The following DHX36 variants were observed in gnomAD, a reference collection of about 807,000 sequenced individuals.
DHX36 encodes the protein ATP-dependent DNA/RNA helicase DHX36.
In DHX36, 50 loss-of-function variants were observed where a neutral mutation model predicts 139.0. The ratio of observed to expected loss-of-function variants is 0.36; its 90% CI spans 0.29 to 0.46. The LOEUF (loss-of-function observed/expected upper bound fraction) is 0.46. DHX36 is among the 20% of genes least tolerant of loss of function. DHX36 has a pLI of 1.00. For missense variants in DHX36, 1,024 were observed against 1,211.3 expected (o/e 0.85, Z 2.29); for synonymous variants, 425 against 401.9 (o/e 1.06, Z -0.69).
At chr3:154,282,403 T>C (rs1311345924) in intron 20 of DHX36, among the ~76,000 whole-genome samples, 1 of 152,162 alleles carries the variant, frequency 6.6e-6, no homozygotes, top group Non-Finnish European at 1.5e-5. Context: ...TTTTCTTAGC[T>C]CAGGTGTCTT....
At position 154,284,657 on chromosome 3, in the gene DHX36, T is replaced by C; in HGVS notation, c.2218A>G (p.Ile740Val). The C allele has an allele frequency of 6.2e-7, 1 of 1,611,284 alleles. No homozygotes were observed. Among genetic ancestry groups the C allele is most frequent in the Non-Finnish European group, 8.5e-7 (1 of 1,178,332 alleles). Residue 740 changes from isoleucine to valine, a missense_variant, in exon 19 of 25, where the codon ATT becomes GTT. Physicochemically the swap from Ile to Val is conservative, Grantham distance 29. Around this residue, in one of 4 missense-constraint regions of DHX36, gnomAD observed 470 missense variants for 616.2 expected, o/e 0.76. Coordinates refer to ENST00000496811, the MANE Select transcript of DHX36 (RefSeq NM_020865.3). ...PFVIPLGKEK[I>V]ADARRKELAK... ...AATTCCTTTCTTCTTGCATCTGCAA[T>C]CTTTTCTTTTCCCTTAAAAATAGCA...
At chr3:154,319,728 C>T (rs1184401981) in intron 1 of DHX36, among the ~76,000 whole-genome samples, 2 of 152,078 alleles carry the variant, frequency 1.3e-5, no homozygotes, top group Non-Finnish European at 2.9e-5. Flanking sequence ...GAGAATCAAA[C>T]CTTGCTTGTT....
At chr3:154,293,345 T>G (rs1430983961) in intron 14 of DHX36, among the ~76,000 whole-genome samples, 1 of 152,088 alleles carries the variant, frequency 6.6e-6, no homozygotes, top group Non-Finnish European at 1.5e-5. Flanking sequence ...TTTGGGAGGT[T>G]GAGGTAATAG....
chr3:154,310,642 G>T (rs1046928218), intron 4 of DHX36, among the ~76,000 whole-genome samples: 1 of 150,106 alleles, frequency 6.7e-6, no homozygotes, highest in Non-Finnish European at 1.5e-5. Flanking sequence ...TTAGCTGGGC[G>T]TGGTGGGTGC....
At chr3:154,278,909 G>A (rs1325011292) in intron 22 of DHX36, 1 of 152,146 alleles carries the variant, frequency 6.6e-6, no homozygotes, top group African/African-American at 2.4e-5. Flanking sequence ...ATTTACCAAT[G>A]CCATCCTGCC....
intron 15 of DHX36, 22 bp downstream of exon 15, chr3:154,292,529 T>G: frequency 6.2e-7 from 1 of 1,613,854 alleles, no homozygotes; most frequent in East Asian, 2.2e-5. Flanking sequence ...TCTAAAAGCT[T>G]TGGACAGAGT....
rs1719122517 is a variant in DHX36 at position 154,275,559 on chromosome 3, AT to A, written c.*611del. On this transcript the variant is annotated 3_prime_UTR_variant, in exon 25 of 25. Coordinates refer to ENST00000496811, the MANE Select transcript of DHX36 (RefSeq NM_020865.3). ...TCCAGACCGTGCTCTCAATTGCTGT[AT>A]TATGAGGCACAGGGTGATATAAAAA... The A allele has an allele frequency of 6.6e-6, 1 of 152,664 alleles. No homozygotes were observed. The highest frequency in any genetic ancestry group is 2.1e-4 in the South Asian group (1 of 4,838). 9.5% of individuals were successfully genotyped at this position (152,664 alleles called of 1,614,324 possible).
chr3:154,314,010 T>A (rs1426904405), intron 3 of DHX36, among the ~76,000 whole-genome samples: 1 of 152,148 alleles, frequency 6.6e-6, no homozygotes, highest in Non-Finnish European at 1.5e-5. Context: ...TTTTTAAATG[T>A]TTTACACATT....
intron 5 of DHX36, among the ~76,000 whole-genome samples, chr3:154,307,203 A>G (rs73872809): frequency 0.011 from 1,723 of 152,290 alleles, 31 homozygotes; most frequent in African/African-American, 0.04. Flanking sequence ...TCCTTTGGAC[A>G]TTGGTCTAGG....
chr3:154,308,917 G>C (rs1712618945), intron 5 of DHX36, among the ~76,000 whole-genome samples: 1 of 152,096 alleles, frequency 6.6e-6, no homozygotes, highest in African/African-American at 2.4e-5. Flanking sequence ...GCTGGACACA[G>C]AGACTTATGC....
chr3:154,300,812 G>A, intron 10 of DHX36, 116 bp from the exon 11 acceptor site: 1 of 1,246,824 alleles, frequency 8.0e-7, no homozygotes, highest in Non-Finnish European at 1.1e-6. Flanking sequence ...ACAGATCGGA[G>A]AGAATTACTG....
intron 20 of DHX36, 137 bp from the exon 21 acceptor site, chr3:154,280,999 G>T (rs1719317724): frequency 1.5e-6 from 1 of 658,346 alleles, no homozygotes; most frequent in African/African-American, 1.8e-5. Flanking sequence ...TTTAAAGCAA[G>T]GGTTGGCAAA....
chr3:154,281,158 T>C (rs1719322375), intron 20 of DHX36, among the ~76,000 whole-genome samples: 1 of 152,124 alleles, frequency 6.6e-6, no homozygotes, highest in Non-Finnish European at 1.5e-5. Context: ...TACCCGACTT[T>C]TCACAGAAAA....
chr3:154,291,114 G>C (rs1452744792), intron 15 of DHX36, among the ~76,000 whole-genome samples: 7 of 103,390 alleles, frequency 6.8e-5, no homozygotes, highest in African/African-American at 2.7e-4. Context: ...CAGCCTGGGC[G>C]ACAGAGCGAG....
chr3:154,294,279 A>C (rs538491722), intron 13 of DHX36, among the ~76,000 whole-genome samples: 1 of 151,266 alleles, frequency 6.6e-6, no homozygotes, highest in South Asian at 2.1e-4. Context: ...ATTGGAGTGA[A>C]AAAAAAAAAT....
intron 3 of DHX36, 114 bp from the exon 4 acceptor site, chr3:154,311,788 T>C: frequency 1.4e-6 from 1 of 692,902 alleles, no homozygotes. Context: ...GTATTTTTAT[T>C]ATCTCATGGC....
At chr3:154,309,034 AAAT>A (rs1712627080) in intron 5 of DHX36, among the ~76,000 whole-genome samples, 1 of 152,048 alleles carries the variant, frequency 6.6e-6, no homozygotes, top group Admixed American at 6.6e-5. Context: ...CAAAAAATAC[AAAT>A]ATTAGCCAGG....
rs747528677 is a variant in DHX36 at position 154,304,948 on chromosome 3, G to A, written c.993C>T (p.Ile331=). Residue 331 remains isoleucine (I), a synonymous_variant, in exon 8 of 25, where the codon ATC becomes ATT. Coordinates refer to ENST00000496811, the MANE Select transcript of DHX36 (RefSeq NM_020865.3). ...TTCTTTCATGGATTTCATCAAGTAC[G>A]ATATGACTAACACTGGACAAATACC... ...SDPYLSSVSH[I]VLDEIHERNL... 24 of 1,609,664 alleles carry A rather than the reference G, an allele frequency of 1.5e-5. No individual in the cohort carries two copies. The highest frequency in any genetic ancestry group is 1.7e-4 in the Middle Eastern group (1 of 6,060).
rs534412469 is a variant in DHX36 at position 154,275,208 on chromosome 3, T to C, written c.*963A>G. Reference sequence around the variant, plus strand: ...TCTTTTATAATAAAATGGCGTAGTATTTGCATGTTACCTAGGCACAACCTC... The same window carrying C: ...TCTTTTATAATAAAATGGCGTAGTACTTGCATGTTACCTAGGCACAACCTC... On this transcript the variant is annotated 3_prime_UTR_variant, in exon 25 of 25. Transcript: ENST00000496811. 2 of 152,210 alleles carry C rather than the reference T, an allele frequency of 1.3e-5. No homozygotes were observed. The highest frequency in any genetic ancestry group is 2.4e-5 in the African/African-American group (1 of 41,430). The allele number at this position is 152,210 out of a possible 1,614,324, so 9.4% of individuals were successfully genotyped here.
Sources: gnomAD v4.1 joint callset for allele counts (sites outside exome capture counted in the v4.1 genomes callset) on GRCh38, gnomAD v4.1.1 for gene constraint, gnomAD v4.1.1 regional missense constraint, MANE v1.5 for transcripts, NCBI Gene and HGNC (gene_info 2026-07-23, HGNC 2026-07-21) for gene names.